MORN4: variants seen among roughly 807,000 people sequenced by gnomAD.
The protein encoded by MORN4 is MORN repeat-containing protein 4.
Under a neutral mutation model 16.4 loss-of-function variants are expected in MORN4, and 8 were observed. The ratio of observed to expected loss-of-function variants is 0.49; its 90% CI spans 0.29 to 0.88. The LOEUF (loss-of-function observed/expected upper bound fraction) is 0.88, where lower values mean the gene tolerates loss of function less well. Among genes scored for constraint, MORN4 ranks in the 40% least tolerant of loss-of-function variants. The pLI, the probability that MORN4 is intolerant of heterozygous loss-of-function variation, is 0.09. For synonymous variants in MORN4, 53 were observed against 68.9 expected (o/e 0.77, Z 1.14); for missense variants, 159 against 182.9 (o/e 0.87, Z 0.75).
intron 1 of MORN4, among the ~76,000 whole-genome samples, chr10:97,627,916 C>T (rs565763605): frequency 6.6e-6 from 1 of 152,296 alleles, no homozygotes; most frequent in African/African-American, 2.4e-5. Context: ...TTATCACCAG[C>T]CCAGCATCAG....
At position 97,616,086 on chromosome 10, in the gene MORN4, C is replaced by T; in HGVS notation, c.*177G>A. On this transcript the variant is annotated 3_prime_UTR_variant, in exon 5 of 5. Transcript: ENST00000307450. ...GACTGCTGCAGGGTCTGCTGGCCAGCATCCTCAGCACTTTTCTGTGGTCCA... is the reference window on the plus strand; with the variant it reads ...GACTGCTGCAGGGTCTGCTGGCCAGTATCCTCAGCACTTTTCTGTGGTCCA... 1 of 559,490 alleles carries T rather than the reference C, an allele frequency of 1.8e-6. No homozygotes were observed. The highest frequency in any genetic ancestry group is 3.7e-5 in the South Asian group (1 of 27,252). The allele number at this position is 559,490 out of a possible 1,614,324, so 34.7% of individuals were successfully genotyped here.
At chr10:97,631,683 C>T (rs948235476) in intron 1 of MORN4, among the ~76,000 whole-genome samples, 2 of 151,690 alleles carry the variant, frequency 1.3e-5, no homozygotes, top group Non-Finnish European at 2.9e-5. Flanking sequence ...CCTGTAATCC[C>T]AGCACGTTGG....
Position 97,616,331 on chromosome 10 carries a change from C to G in MORN4, c.373G>C (p.Glu125Gln). 6.2e-7 allele frequency: 1 copy of G among 1,613,452 alleles called. No individual in the cohort carries two copies. The highest frequency in any genetic ancestry group is 1.3e-5 in the African/African-American group (1 of 75,036). Residue 125 changes from glutamate (E) to glutamine (Q), a missense_variant, in exon 5 of 5, where the codon GAG becomes CAG. Glu to Gln is a conservative substitution (Grantham distance 29, BLOSUM62 2). Coordinates refer to ENST00000307450, the MANE Select transcript of MORN4 (RefSeq NM_178832.4). ...LFENNKLLRR[E>Q]KCSAIVQRAQ... ...CGCTGAACAATGGCAGAACACTTCT[C>G]ACGTCGCAGCAGCTTGTTGTTCTCA...
chr10:97,622,948 G>A (rs2041316471), intron 1 of MORN4, among the ~76,000 whole-genome samples: 1 of 151,216 alleles, frequency 6.6e-6, no homozygotes, highest in Non-Finnish European at 1.5e-5. Context: ...ACGGTGGCAC[G>A]ATCATAGCTC....
At chr10:97,624,777 G>A (rs1304161050) in intron 1 of MORN4, among the ~76,000 whole-genome samples, 2 of 152,040 alleles carry the variant, frequency 1.3e-5, no homozygotes, top group Non-Finnish European at 2.9e-5. Context: ...GGAGTGCAAT[G>A]GCGCGATCTT....
chr10:97,628,078 A>C (rs1449877683), intron 1 of MORN4, among the ~76,000 whole-genome samples: 1 of 152,246 alleles, frequency 6.6e-6, no homozygotes, highest in Admixed American at 6.5e-5. Flanking sequence ...TCCCAGAACT[A>C]AGTTACAGCA....
chr10:97,623,694 C>T (rs1241128556), intron 1 of MORN4, among the ~76,000 whole-genome samples: 1 of 151,964 alleles, frequency 6.6e-6, no homozygotes, highest in African/African-American at 2.4e-5. Context: ...ACTACAGGTG[C>T]ATGCCACTGC....
chr10:97,630,340 T>C (rs542146192), intron 1 of MORN4, among the ~76,000 whole-genome samples: 79 of 152,334 alleles, frequency 5.2e-4, no homozygotes, highest in African/African-American at 1.9e-3. Context: ...GTGCTGGGAT[T>C]ACAGGCATGA....
intron 1 of MORN4, among the ~76,000 whole-genome samples, chr10:97,622,167 C>G (rs1209390736): frequency 6.6e-6 from 1 of 152,128 alleles, no homozygotes; most frequent in Non-Finnish European, 1.5e-5. Flanking sequence ...CACAGACTCA[C>G]AGGATAAATA....
intron 1 of MORN4, among the ~76,000 whole-genome samples, chr10:97,631,714 G>A (rs10882971): frequency 2.0e-5 from 3 of 151,666 alleles, no homozygotes; most frequent in South Asian, 2.1e-4. Context: ...CAAGAGGATC[G>A]CTTGAGCCCA....
Position 97,633,320 on chromosome 10 carries a change from C to A in MORN4, c.-31+27G>T. ...CTGACCGATCACACTCTTTCCCGGCCCCCTCCCTCCTGCGCCTCCAGCCAA... is the reference window on the plus strand; with the variant it reads ...CTGACCGATCACACTCTTTCCCGGCACCCTCCCTCCTGCGCCTCCAGCCAA... On this transcript the variant is annotated intron_variant, in intron 1 of 4. Coordinates refer to ENST00000307450, the MANE Select transcript of MORN4 (RefSeq NM_178832.4). This position sits in a 1 kb window ranked among gnomAD's most constrained non-coding sequence, Gnocchi z 4.5. 7.8e-7 allele frequency: 1 copy of A among 1,288,598 alleles called. No homozygotes were observed. The highest frequency in any genetic ancestry group is 1.0e-6 in the Non-Finnish European group (1 of 988,264). 79.8% of individuals were successfully genotyped at this position (1,288,598 alleles called of 1,614,324 possible).
At chr10:97,620,978 G>A (rs1400671620) in intron 1 of MORN4, among the ~76,000 whole-genome samples, 8 of 151,878 alleles carry the variant, frequency 5.3e-5, no homozygotes, top group African/African-American at 1.9e-4. Flanking sequence ...AAAATTAGCC[G>A]GGTGTGGTGG....
At chr10:97,625,072 A>T (rs1296481766) in intron 1 of MORN4, among the ~76,000 whole-genome samples, 2 of 152,180 alleles carry the variant, frequency 1.3e-5, no homozygotes, top group African/African-American at 2.4e-5. Context: ...TATTATTTCC[A>T]CTTTAGGGAT....
chr10:97,617,452 G>A, intron 2 of MORN4, 130 bp from the exon 3 acceptor site: 1 of 742,150 alleles, frequency 1.3e-6, no homozygotes, highest in Non-Finnish European at 2.4e-6. Context: ...GACATTAGCA[G>A]GGCAGAGGAT....
chr10:97,617,328 C>A lies in MORN4; in HGVS notation c.68-6G>T. ...ACCAAAACCATGCCTGCGGCCTGAA[C>A]AAAGAGAAGGATAGGTGTCAGGTTG... On this transcript the variant is annotated splice_region_variant and splice_polypyrimidine_tract_variant and intron_variant, in intron 2 of 4. Coordinates refer to ENST00000307450, the MANE Select transcript of MORN4 (RefSeq NM_178832.4). 6.2e-7 allele frequency: 1 copy of A among 1,613,158 alleles called. No individual in the cohort carries two copies. The highest frequency in any genetic ancestry group is 1.1e-5 in the South Asian group (1 of 91,062).
chr10:97,620,489 AAAAAAAAAAAAAAAAAAAG>A (rs1449076480), intron 1 of MORN4, among the ~76,000 whole-genome samples: 1 of 100,166 alleles, frequency 1.0e-5, no homozygotes, highest in African/African-American at 5.1e-5. Flanking sequence ...ACTCTGTCTC[AAAAAAAAAAAAAAAAAAAG>A]AAAAAAAAAA....
At chr10:97,626,833 C>G (rs1589922805) in intron 1 of MORN4, among the ~76,000 whole-genome samples, 1 of 149,218 alleles carries the variant, frequency 6.7e-6, no homozygotes, top group Non-Finnish European at 1.5e-5. Flanking sequence ...TCTCAGCTCA[C>G]TGTAACCTCT....
At chr10:97,619,746 C>G in intron 1 of MORN4, 63 bp from the exon 2 acceptor site, 2 of 1,340,492 alleles carry the variant, frequency 1.5e-6, no homozygotes, top group South Asian at 2.4e-5. Flanking sequence ...GACTGCAAGG[C>G]AATTTTATAG....
intron 2 of MORN4, 35 bp downstream of exon 2, chr10:97,619,552 G>T: frequency 6.8e-7 from 1 of 1,469,402 alleles, no homozygotes; most frequent in Non-Finnish European, 9.5e-7. Flanking sequence ...CAAATGAAGT[G>T]TTCATCATGG....
Sources: allele counts gnomAD v4.1 joint callset (sites outside exome capture counted in the v4.1 genomes callset), GRCh38; gene constraint gnomAD v4.1.1; non-coding constraint Gnocchi (gnomAD v3.1); transcripts MANE v1.5; gene names NCBI Gene and HGNC (gene_info 2026-07-23, HGNC 2026-07-21).